KCNQ3: variants seen among roughly 807,000 people sequenced by gnomAD.
KCNQ3 encodes potassium voltage-gated channel subfamily Q member 3, also known as potassium voltage-gated channel subfamily KQT member 3.
Under a neutral mutation model 92.5 loss-of-function variants are expected in KCNQ3, and 30 were observed. That is an observed-to-expected ratio of 0.32 (90% confidence interval 0.24 to 0.44). The LOEUF (loss-of-function observed/expected upper bound fraction) is 0.44, where lower values mean the gene tolerates loss of function less well. KCNQ3 is among the 20% of genes least tolerant of loss of function. The pLI, the probability that KCNQ3 is intolerant of heterozygous loss-of-function variation, is 1.00. For synonymous variants in KCNQ3, 450 were observed against 468.8 expected (o/e 0.96, Z 0.52); for missense variants, 913 against 1,140.3 (o/e 0.80, Z 2.87).
intron 1 of KCNQ3, among the ~76,000 whole-genome samples, chr8:132,396,633 C>T (rs1453939023): frequency 6.6e-6 from 1 of 152,070 alleles, no homozygotes; most frequent in African/African-American, 2.4e-5. Flanking sequence ...AAGACAGTCC[C>T]CAAGATTTCT....
At chr8:132,269,309 C>T (rs1216469717) in intron 1 of KCNQ3, among the ~76,000 whole-genome samples, 3 of 152,128 alleles carry the variant, frequency 2.0e-5, no homozygotes, top group Non-Finnish European at 4.4e-5. Context: ...AGATTTTCTC[C>T]TATGTTTCCT....
intron 1 of KCNQ3, among the ~76,000 whole-genome samples, chr8:132,409,915 A>G (rs1431509133): frequency 6.6e-6 from 1 of 152,210 alleles, no homozygotes; most frequent in South Asian, 2.1e-4. Context: ...CAGAAGGTCA[A>G]TTTCAGAAGC....
intron 1 of KCNQ3, among the ~76,000 whole-genome samples, chr8:132,312,734 C>T (rs1817630947): frequency 6.6e-6 from 1 of 152,168 alleles, no homozygotes; most frequent in African/African-American, 2.4e-5. Flanking sequence ...GACAGTTCCT[C>T]CTTCACACTC....
Position 132,124,014 on chromosome 8 carries a change from T to C in KCNQ3, c.*5248A>G, listed in dbSNP as rs1824580998. 1 of 152,318 alleles carries C rather than the reference T, an allele frequency of 6.6e-6. No homozygotes were observed. Among genetic ancestry groups the C allele is most frequent in the Non-Finnish European group, 1.5e-5 (1 of 68,036 alleles). The allele number at this position is 152,318 out of a possible 1,614,324, so 9.4% of individuals were successfully genotyped here. ...TTTCCTTGGGAAATCATGAGTCTTTTATTTTTGCAATTTGGCTTTATCTCC... is the reference window on the plus strand; with the variant it reads ...TTTCCTTGGGAAATCATGAGTCTTTCATTTTTGCAATTTGGCTTTATCTCC... On this transcript the variant is annotated 3_prime_UTR_variant, in exon 15 of 15. Coordinates refer to ENST00000388996, the MANE Select transcript of KCNQ3 (RefSeq NM_004519.4).
intron 1 of KCNQ3, among the ~76,000 whole-genome samples, chr8:132,365,495 C>A (rs55752255): frequency 0.04 from 6,086 of 152,288 alleles, 357 homozygotes; most frequent in African/African-American, 0.13. Flanking sequence ...GGGATGAGGA[C>A]TGAGGATGTG....
intron 1 of KCNQ3, among the ~76,000 whole-genome samples, chr8:132,440,307 C>T (rs1378722380): frequency 6.6e-6 from 1 of 152,152 alleles, no homozygotes; most frequent in Non-Finnish European, 1.5e-5. Context: ...TGAAGTGCTG[C>T]CCTGCACTTG....
intron 9 of KCNQ3, among the ~76,000 whole-genome samples, chr8:132,145,932 T>C (rs951617227): frequency 3.3e-5 from 5 of 152,242 alleles, no homozygotes; most frequent in African/African-American, 1.2e-4. Flanking sequence ...GCGGAAGCAC[T>C]GCATGTGGGT....
At chr8:132,305,113 T>C (rs1276842558) in intron 1 of KCNQ3, among the ~76,000 whole-genome samples, 1 of 152,232 alleles carries the variant, frequency 6.6e-6, no homozygotes, top group Non-Finnish European at 1.5e-5. Context: ...TGGCTTCTGA[T>C]AGAGTTTGGT....
chr8:132,392,215 T>C (rs1820066198), intron 1 of KCNQ3, among the ~76,000 whole-genome samples: 2 of 152,188 alleles, frequency 1.3e-5, no homozygotes, highest in South Asian at 4.1e-4. Flanking sequence ...GTCAATTTTA[T>C]TGACTTTTCT....
rs543543258 is a variant in KCNQ3 at position 132,225,537 on chromosome 8, T to C, written c.387-39356A>G. Among the ~76,000 whole-genome samples, 5 of 152,338 alleles carry C rather than the reference T, an allele frequency of 3.3e-5. No homozygotes were observed. In the East Asian group the frequency reaches 9.6e-4, roughly 29 times the overall value. Reference sequence around the variant, plus strand: ...ACAATATGAAAGATTTTTATCCTACTTATATATGCTACCAAGAGGGTGACA... The same window carrying C: ...ACAATATGAAAGATTTTTATCCTACCTATATATGCTACCAAGAGGGTGACA... On this transcript the variant is annotated intron_variant, in intron 1 of 14. Coordinates refer to ENST00000388996, the MANE Select transcript of KCNQ3 (RefSeq NM_004519.4).
In KCNQ3 at chr8:132,129,133, G is replaced by A. The variant is rs1435353843; in HGVS notation, c.*129C>T. The A allele has an allele frequency of 7.2e-6, 8 of 1,117,644 alleles. No homozygotes were observed. The highest frequency in any genetic ancestry group is 3.9e-5 in the Admixed American group (2 of 50,960). The allele number at this position is 1,117,644 out of a possible 1,614,324, so 69.2% of individuals were successfully genotyped here. On this transcript the variant is annotated 3_prime_UTR_variant, in exon 15 of 15. Transcript: ENST00000388996. The surrounding 1 kb of genome is among the most constrained non-coding windows in gnomAD (Gnocchi z 5.9). Reference sequence around the variant, plus strand: ...GCTGTGGGAAGCCCCTGCCTGGGTGGGGCCACCACGCACACGCATGCATTT... The same window carrying A: ...GCTGTGGGAAGCCCCTGCCTGGGTGAGGCCACCACGCACACGCATGCATTT...
intron 1 of KCNQ3, among the ~76,000 whole-genome samples, chr8:132,426,510 T>C (rs902402577): frequency 6.6e-6 from 1 of 152,206 alleles, no homozygotes; most frequent in African/African-American, 2.4e-5. Flanking sequence ...GCACGCAGTG[T>C]CCTCCCCCTG....
chr8:132,311,538 G>A (rs1319075445), intron 1 of KCNQ3, among the ~76,000 whole-genome samples: 2 of 152,180 alleles, frequency 1.3e-5, no homozygotes, highest in African/African-American at 4.8e-5. Flanking sequence ...ACAGGAAGAA[G>A]CCAAAATCTC....
intron 1 of KCNQ3, among the ~76,000 whole-genome samples, chr8:132,381,043 A>C (rs1212783653): frequency 2.0e-5 from 3 of 152,124 alleles, no homozygotes; most frequent in Non-Finnish European, 2.9e-5. Context: ...ATGGGCAGTC[A>C]GCGCTGCCAA....
At chr8:132,145,242 T>C (rs1023947688) in intron 9 of KCNQ3, among the ~76,000 whole-genome samples, 3 of 152,190 alleles carry the variant, frequency 2.0e-5, no homozygotes, top group Admixed American at 6.5e-5. Flanking sequence ...AACTTGTATA[T>C]ACAGGATCTA....
chr8:132,200,731 G>C (rs1266030838), intron 1 of KCNQ3, among the ~76,000 whole-genome samples: 1 of 152,114 alleles, frequency 6.6e-6, no homozygotes, highest in Admixed American at 6.5e-5. Flanking sequence ...TGATAAATCT[G>C]CCTCTGGAAA....
intron 1 of KCNQ3, among the ~76,000 whole-genome samples, chr8:132,408,263 A>G (rs916347071): frequency 1.3e-5 from 2 of 152,180 alleles, no homozygotes; most frequent in Non-Finnish European, 2.9e-5. Context: ...ACTTTCAAGA[A>G]TCCAGCAATG....
chr8:132,184,177 C>G, intron 3 of KCNQ3, 64 bp downstream of exon 3: 1 of 1,608,486 alleles, frequency 6.2e-7, no homozygotes, highest in Non-Finnish European at 8.5e-7. Context: ...AAACTTTTCT[C>G]AGAGAAACAA....
intron 1 of KCNQ3, among the ~76,000 whole-genome samples, chr8:132,378,661 C>G (rs117041271): frequency 5.9e-5 from 9 of 152,296 alleles, no homozygotes; most frequent in African/African-American, 2.2e-4. Flanking sequence ...GGACCATGTG[C>G]TTTAAATGAG....
Sources: gnomAD v4.1 joint callset for allele counts (sites outside exome capture counted in the v4.1 genomes callset) on GRCh38, gnomAD v4.1.1 for gene constraint, Gnocchi (gnomAD v3.1) non-coding constraint, MANE v1.5 for transcripts, NCBI Gene and HGNC (gene_info 2026-07-23, HGNC 2026-07-21) for gene names.